The following RGL1 variants were observed in gnomAD, a reference collection of about 807,000 sequenced individuals.
The protein encoded by RGL1 is ral guanine nucleotide dissociation stimulator like 1, also known as ral guanine nucleotide dissociation stimulator-like 1.
Under a neutral mutation model 95.2 loss-of-function variants are expected in RGL1, and 24 were observed. The ratio of observed to expected loss-of-function variants is 0.25; its 90% confidence interval spans 0.18 to 0.35. RGL1 has a LOEUF of 0.35. Among genes scored for constraint, RGL1 ranks in the 10% least tolerant of loss-of-function variants. The probability of loss-of-function intolerance (pLI) is 1.00; values close to 1 mark genes in which losing one functional copy is unlikely to be tolerated. For missense variants in RGL1, 715 were observed against 936.3 expected (o/e 0.76, Z 3.08); for synonymous variants, 329 against 344.9 (o/e 0.95, Z 0.51).
rs138521251 is a variant in RGL1 at position 183,750,717 on chromosome 1, T to A, written c.132+8428T>A. Among the ~76,000 whole-genome samples the A allele has an allele frequency of 6.7e-4, 102 of 152,380 alleles. No homozygotes were observed. The East Asian group carries it at 0.017, about 26-fold the overall frequency. The stretch of plus-strand genomic sequence containing the variant: ...GGATTTATCTACCTTTGATCTTTGA[T>A]GCTGATGACCTTTGGATGGGGTTTT... On this transcript the variant is annotated intron_variant, in intron 2 of 18. Transcript: ENST00000304685.
intron 2 of RGL1, among the ~76,000 whole-genome samples, chr1:183,823,891 A>ATCC (rs1662668023): frequency 6.6e-6 from 1 of 152,018 alleles, no homozygotes; most frequent in Admixed American, 6.6e-5. Flanking sequence ...GGCTCAAGAG[A>ATCC]TCCTCCTGTC....
chr1:183,792,061 T>A (rs957862072), intron 2 of RGL1, among the ~76,000 whole-genome samples: 2 of 152,160 alleles, frequency 1.3e-5, no homozygotes, highest in Non-Finnish European at 2.9e-5. Context: ...TCCCCAGAAC[T>A]GAGCTGATAT....
chr1:183,692,542 G>T (rs1654008366), intron 1 of RGL1, among the ~76,000 whole-genome samples: 1 of 152,212 alleles, frequency 6.6e-6, no homozygotes, highest in Non-Finnish European at 1.5e-5. Flanking sequence ...GTTGACTTTG[G>T]CTGGAATTAA....
intron 1 of RGL1, among the ~76,000 whole-genome samples, chr1:183,668,999 G>A (rs1652249538): frequency 6.9e-6 from 1 of 144,602 alleles, no homozygotes; most frequent in South Asian, 2.2e-4. Context: ...TGCAGTGGCA[G>A]TGGTGCAATC....
chr1:183,856,551 C>T (rs1665160801), intron 3 of RGL1, among the ~76,000 whole-genome samples: 1 of 151,128 alleles, frequency 6.6e-6, no homozygotes, highest in Non-Finnish European at 1.5e-5. Context: ...CAGTTTTGGT[C>T]CACACACTCA....
At chr1:183,665,633 C>T (rs993744926) in intron 1 of RGL1, among the ~76,000 whole-genome samples, 5 of 152,100 alleles carry the variant, frequency 3.3e-5, no homozygotes, top group Non-Finnish European at 5.9e-5. Context: ...TCAAGGAGTT[C>T]GTCCATTTTA....
Position 183,651,795 on chromosome 1 carries a change from A to G in RGL1, c.-33+15294A>G, listed in dbSNP as rs532626393. Among the ~76,000 whole-genome samples, 113 of 152,280 alleles carry G rather than the reference A, an allele frequency of 7.4e-4. 1 individual carries two copies. Among genetic ancestry groups the G allele is most frequent in the African/African-American group, 2.6e-3 (107 of 41,560 alleles). On this transcript the variant is annotated intron_variant, in intron 1 of 18. Coordinates refer to the RGL1 transcript ENST00000304685. Reference sequence around the variant, plus strand: ...GCTTTCCTTCTAGAGAGCTGGATTTAACCCTTGGCAGTGGACGATCTCTTG... The same window carrying G: ...GCTTTCCTTCTAGAGAGCTGGATTTGACCCTTGGCAGTGGACGATCTCTTG...
intron 2 of RGL1, among the ~76,000 whole-genome samples, chr1:183,789,368 C>T (rs1281688499): frequency 2.0e-5 from 3 of 151,966 alleles, no homozygotes; most frequent in African/African-American, 4.8e-5. Context: ...GAGAATTGCT[C>T]GAACCCGGGA....
chr1:183,859,597 A>G (rs1665381352), intron 3 of RGL1, among the ~76,000 whole-genome samples: 1 of 152,188 alleles, frequency 6.6e-6, no homozygotes, highest in Admixed American at 6.5e-5. Flanking sequence ...AGGAAGGTGC[A>G]GTGTCCTTCA....
intron 1 of RGL1, among the ~76,000 whole-genome samples, chr1:183,726,108 T>A (rs1232745137): frequency 6.6e-6 from 1 of 151,978 alleles, no homozygotes; most frequent in Non-Finnish European, 1.5e-5. Flanking sequence ...TATTTGGGGG[T>A]AAATGAAAAG....
At position 183,884,952 on chromosome 1, in the gene RGL1, A is replaced by ATAAAATATTCTTTGTGTTTGG. The variant is rs1558271058; in HGVS notation, c.951+17_951+37dup. ...AACATCGCTCATGTAATTGTCTTTT[A>ATAAAATATTCTTTGTGTTTGG]TAAAATATTCTTTGTGTTTGGTAGA... On this transcript the variant is annotated intron_variant, in intron 7 of 17. Coordinates refer to ENST00000360851, the MANE Select transcript of RGL1 (RefSeq NM_001297671.3). The ATAAAATATTCTTTGTGTTTGG allele has an allele frequency of 5.6e-6, 9 of 1,607,060 alleles. No homozygotes were observed. The highest frequency in any genetic ancestry group is 2.7e-5 in the African/African-American group (2 of 74,642).
chr1:183,880,072 A>G (rs1042678960), intron 4 of RGL1, among the ~76,000 whole-genome samples: 1 of 152,258 alleles, frequency 6.6e-6, no homozygotes, highest in Non-Finnish European at 1.5e-5. Flanking sequence ...GAGAAACAAA[A>G]GGATAATTTT....
chr1:183,750,607 G>A (rs1303179865), intron 2 of RGL1, among the ~76,000 whole-genome samples: 1 of 134,554 alleles, frequency 7.4e-6, no homozygotes, highest in African/African-American at 2.5e-5. Flanking sequence ...CCTTGCTGGT[G>A]AGGAGTTGTG....
chr1:183,722,036 G>A (rs930000824), intron 1 of RGL1, among the ~76,000 whole-genome samples: 1 of 152,150 alleles, frequency 6.6e-6, no homozygotes, highest in Non-Finnish European at 1.5e-5. Context: ...AAAATTTGGA[G>A]TGAGGAAAGA....
At chr1:183,854,920 G>A (rs1255186124) in intron 3 of RGL1, among the ~76,000 whole-genome samples, 1 of 152,090 alleles carries the variant, frequency 6.6e-6, no homozygotes, top group Non-Finnish European at 1.5e-5. Flanking sequence ...AAAATATTAA[G>A]TGCTTAAGAG....
intron 1 of RGL1, among the ~76,000 whole-genome samples, chr1:183,678,784 A>G (rs911269133): frequency 2.0e-5 from 3 of 152,192 alleles, no homozygotes; most frequent in African/African-American, 7.2e-5. Context: ...AGGTCTGGTT[A>G]GCTTCTTTGA....
intron 1 of RGL1, among the ~76,000 whole-genome samples, chr1:183,707,834 G>A (rs979423671): frequency 6.6e-6 from 1 of 151,974 alleles, no homozygotes; most frequent in Admixed American, 6.6e-5. Flanking sequence ...TAGGGGCTGG[G>A]AGAGGTAGAC....
chr1:183,710,066 C>A, intron 1 of RGL1: 1 of 169,364 alleles, frequency 5.9e-6, no homozygotes, highest in South Asian at 1.3e-4. Context: ...TTGGTGAGCT[C>A]CTTGAAGCAT....
At chr1:183,834,488 A>T (rs1325635267) in intron 2 of RGL1, among the ~76,000 whole-genome samples, 1 of 152,012 alleles carries the variant, frequency 6.6e-6, no homozygotes, top group Non-Finnish European at 1.5e-5. Context: ...CTGCTTATTT[A>T]CCTGGCATGT....
Sources: gnomAD v4.1 joint callset for allele counts (sites outside exome capture counted in the v4.1 genomes callset) on GRCh38, gnomAD v4.1.1 for gene constraint, MANE v1.5 for transcripts, NCBI Gene and HGNC (gene_info 2026-07-23, HGNC 2026-07-21) for gene names.